Variants in TTLL1 observed in about 807,000 individuals in gnomAD.
The protein encoded by TTLL1 is polyglutamylase complex subunit TTLL1.
Under a neutral mutation model 47.8 loss-of-function variants are expected in TTLL1, and 33 were observed. The observed-to-expected ratio is 0.69, with a 90% confidence interval of 0.52 to 0.92. The LOEUF is 0.92. TTLL1 is among the 40% of genes least tolerant of loss of function. The pLI is 0.00. For missense variants in TTLL1, 488 were observed against 547.5 expected (o/e 0.89, Z 1.08); for synonymous variants, 225 against 214.1 (o/e 1.05, Z -0.45).
chr22:43,040,015 G>A, intron 10 of TTLL1, 110 bp from the exon 11 acceptor site: 1 of 1,479,964 alleles, frequency 6.8e-7, no homozygotes. Context: ...AGCGGCCTGA[G>A]GGGGCCCCAC....
rs572371541 is a variant in TTLL1 at position 43,052,954 on chromosome 22, G to C, written c.892-1067C>G. Among the ~76,000 whole-genome samples, 6 of 152,024 alleles carry C rather than the reference G, an allele frequency of 3.9e-5. No individual in the cohort carries two copies. The South Asian group carries it at 1.2e-3, about 32-fold the overall frequency. ...GCGTGCCTGTAATCCCAGCTACTTG[G>C]GAGGCTGAGACAGGAGAATCCCTTG... On this transcript the variant is annotated intron_variant, in intron 8 of 10. Coordinates refer to ENST00000266254, the MANE Select transcript of TTLL1 (RefSeq NM_012263.5).
chr22:43,061,481 G>A (rs972785031), intron 7 of TTLL1, among the ~76,000 whole-genome samples: 3 of 152,194 alleles, frequency 2.0e-5, no homozygotes, highest in African/African-American at 7.2e-5. Flanking sequence ...CTCTTCAGCA[G>A]GTTCTTCAGA....
chr22:43,067,326 G>T (rs548410294), intron 5 of TTLL1, among the ~76,000 whole-genome samples: 1 of 152,282 alleles, frequency 6.6e-6, no homozygotes, highest in East Asian at 1.9e-4. Context: ...GGTGTCCCCG[G>T]TTTACTCAGA....
At chr22:43,084,962 CT>C (rs148980685) in intron 1 of TTLL1, among the ~76,000 whole-genome samples, 17,709 of 110,170 alleles carry the variant, frequency 0.16, 772 homozygotes, top group East Asian at 0.38. Context: ...AAGCTGCCAC[CT>C]TTTTTTTTTT....
intron 8 of TTLL1, among the ~76,000 whole-genome samples, chr22:43,058,199 C>T (rs1927152457): frequency 6.6e-6 from 1 of 152,034 alleles, no homozygotes; most frequent in Non-Finnish European, 1.5e-5. Flanking sequence ...GCACCTTGGC[C>T]TCCCAAAGTG....
chr22:43,076,071 G>A (rs887087042), intron 2 of TTLL1, among the ~76,000 whole-genome samples: 3 of 152,200 alleles, frequency 2.0e-5, no homozygotes, highest in Non-Finnish European at 4.4e-5. Flanking sequence ...TCCGATGGGT[G>A]AGTGGGGATC....
At chr22:43,064,023 C>G (rs991308107) in intron 6 of TTLL1, 102 bp from the exon 7 acceptor site, 2 of 1,475,462 alleles carry the variant, frequency 1.4e-6, no homozygotes, top group Non-Finnish European at 1.9e-6. Context: ...GTGATTTACA[C>G]GACTCACATC....
intron 8 of TTLL1, 80 bp downstream of exon 8, chr22:43,059,304 A>T: frequency 6.5e-7 from 1 of 1,533,596 alleles, no homozygotes; most frequent in East Asian, 2.3e-5. Context: ...GAAAACAGGG[A>T]TTTTTAACAG....
rs377596168 is a variant in TTLL1, at chr22:43,066,146, G to A, written c.504-1822C>T. Among the ~76,000 whole-genome samples the A allele has an allele frequency of 8.2e-5, 12 of 145,664 alleles. No homozygotes were observed. The East Asian group carries it at 1.8e-3, about 22-fold the overall frequency. On this transcript the variant is annotated intron_variant, in intron 5 of 10. Transcript: ENST00000266254. ...TGCAGTCCAGCCTGGGAGACAGAGC[G>A]AGACACTGTCTCAAAAAAAAAAAAA...
intron 8 of TTLL1, among the ~76,000 whole-genome samples, chr22:43,056,116 C>T (rs1926983253): frequency 6.6e-6 from 1 of 151,948 alleles, no homozygotes; most frequent in African/African-American, 2.4e-5. Flanking sequence ...AATCCCAGCA[C>T]TTTGGGAGTC....
intron 8 of TTLL1, among the ~76,000 whole-genome samples, chr22:43,055,642 A>ATT (rs879527574): frequency 6.9e-6 from 1 of 144,726 alleles, no homozygotes; most frequent in Non-Finnish European, 1.5e-5. Context: ...ATTAAAAATA[A>ATT]TTTTTTTTTT....
intron 7 of TTLL1, 128 bp from the exon 8 acceptor site, chr22:43,059,655 A>C: frequency 4.1e-6 from 5 of 1,207,196 alleles, no homozygotes; most frequent in Non-Finnish European, 5.7e-6. Context: ...CAAGGCAAAC[A>C]TCCAGACCCC....
At chr22:43,064,165 G>A (rs757014483) in intron 6 of TTLL1, 25 bp downstream of exon 6, 1 of 1,601,516 alleles carries the variant, frequency 6.2e-7, no homozygotes, top group Admixed American at 1.8e-5. Context: ...AATCAAGAGG[G>A]AACCAAAACC....
chr22:43,046,404 A>G lies in TTLL1; in HGVS notation c.1142+6T>C, dbSNP rs1418193179. On this transcript the variant is annotated splice_donor_region_variant and intron_variant, in intron 10 of 10. Coordinates refer to ENST00000266254, the MANE Select transcript of TTLL1 (RefSeq NM_012263.5). ...AGGACAAGCGCACAGTCACACACACACTTACAGAATCTCGTAATTGCCGAG... is the reference window on the plus strand; with the variant it reads ...AGGACAAGCGCACAGTCACACACACGCTTACAGAATCTCGTAATTGCCGAG... 5 of 1,613,496 alleles carry G rather than the reference A, an allele frequency of 3.1e-6. No individual in the cohort carries two copies. The highest frequency in any genetic ancestry group is 2.7e-5 in the African/African-American group (2 of 74,790).
Position 43,051,843 on chromosome 22 carries a change from G to A in TTLL1, c.936C>T (p.Tyr312=), listed in dbSNP as rs749301517. 2.3e-5 allele frequency: 37 copies of A among 1,613,894 alleles called. No homozygotes were observed. Among genetic ancestry groups the A allele is most frequent in the East Asian group, 4.5e-5 (2 of 44,880 alleles). ...NDKHCFECYG[Y]DIIIDDKLKP... is the part of the protein sequence containing the mutation. Reference sequence around the variant, plus strand: ...TCAGCTTGTCGTCGATGATGATGTCGTAGCCATAGCATTCAAAGCAGTGCT... The same window carrying A: ...TCAGCTTGTCGTCGATGATGATGTCATAGCCATAGCATTCAAAGCAGTGCT... The change falls in exon 9 of 11, where the codon TAC becomes TAT. Residue 312 remains tyrosine (Y), a synonymous_variant. Coordinates refer to ENST00000266254, the MANE Select transcript of TTLL1 (RefSeq NM_012263.5).
chr22:43,055,443 C>A (rs140613971), intron 8 of TTLL1, among the ~76,000 whole-genome samples: 61 of 152,018 alleles, frequency 4.0e-4, no homozygotes, highest in South Asian at 1.0e-3. Context: ...GTGATTTTCC[C>A]AGGTCAGCCT....
intron 9 of TTLL1, among the ~76,000 whole-genome samples, chr22:43,050,536 T>G (rs1926544935): frequency 6.6e-6 from 1 of 151,958 alleles, no homozygotes; most frequent in Admixed American, 6.6e-5. Context: ...TTTGTTTGTT[T>G]TTGAGACAAA....
At position 43,069,752 on chromosome 22, in the gene TTLL1, T is replaced by C. The variant is rs748808450; in HGVS notation, c.206A>G (p.Tyr69Cys). 1.2e-5 allele frequency: 19 copies of C among 1,614,190 alleles called. No homozygotes were observed. The highest frequency in any genetic ancestry group is 4.5e-5 in the East Asian group (2 of 44,888). ...DQIVNHFPNH[Y>C]ELTRKDLMVK... ...CATCAGGTCCTTCCGGGTCAGTTCA[T>C]AGTGGTTTGGAAAATGGTTGACTAT... The change falls in exon 4 of 11, where the codon TAT (tyrosine) becomes TGT (cysteine). Residue 69 changes from tyrosine (Y) to cysteine (C), a missense_variant. Tyr to Cys is a radical substitution (Grantham distance 194). Transcript: ENST00000266254.
At chr22:43,064,409 C>T (rs1927594625) in intron 5 of TTLL1, 85 bp from the exon 6 acceptor site, 41 of 1,458,990 alleles carry the variant, frequency 2.8e-5, no homozygotes, top group Non-Finnish European at 3.7e-5. Context: ...ACTGATAAGC[C>T]GGACTTCATT....
Sources: allele counts gnomAD v4.1 joint callset (sites outside exome capture counted in the v4.1 genomes callset), GRCh38; gene constraint gnomAD v4.1.1; transcripts MANE v1.5; gene names NCBI Gene and HGNC (gene_info 2026-07-23, HGNC 2026-07-21).